The following PELI2 variants were observed in gnomAD, a reference collection of about 807,000 sequenced individuals.
The protein encoded by PELI2 is E3 ubiquitin-protein ligase pellino homolog 2.
In PELI2, 23 loss-of-function variants were observed where a neutral mutation model predicts 42.3. The ratio of observed to expected loss-of-function variants is 0.54; its 90% CI spans 0.39 to 0.77. The LOEUF (loss-of-function observed/expected upper bound fraction) is 0.77, where lower values mean the gene tolerates loss of function less well. Ranked by LOEUF, PELI2 falls within the 30% of genes least tolerant of loss-of-function variation. The probability of loss-of-function intolerance (pLI) is 0.00; values close to 1 mark genes in which losing one functional copy is unlikely to be tolerated. For synonymous variants in PELI2, 245 were observed against 212.2 expected (o/e 1.15, Z -1.34); for missense variants, 463 against 553.2 (o/e 0.84, Z 1.64).
chr14:56,278,707 AG>A (rs1889379364), intron 2 of PELI2, among the ~76,000 whole-genome samples: 1 of 152,218 alleles, frequency 6.6e-6, no homozygotes, highest in African/African-American at 2.4e-5. Flanking sequence ...ATAAATGTTT[AG>A]TACATTTTCA....
intron 2 of PELI2, among the ~76,000 whole-genome samples, chr14:56,264,084 A>G (rs115560345): frequency 1.3e-5 from 2 of 152,208 alleles, no homozygotes; most frequent in African/African-American, 2.4e-5. Flanking sequence ...TTATTTGTAG[A>G]TGTATGCACG....
At chr14:56,251,396 C>A (rs946514607) in intron 2 of PELI2, among the ~76,000 whole-genome samples, 2 of 152,242 alleles carry the variant, frequency 1.3e-5, no homozygotes, top group Admixed American at 6.5e-5. Context: ...TCCTGTAAGG[C>A]GAGCAGGGTA....
chr14:56,179,775 T>C (rs1885516801), intron 2 of PELI2, among the ~76,000 whole-genome samples: 1 of 152,206 alleles, frequency 6.6e-6, no homozygotes, highest in South Asian at 2.1e-4. Flanking sequence ...CCAAAACAGA[T>C]GTTTTTAAGC....
intron 1 of PELI2, among the ~76,000 whole-genome samples, chr14:56,129,804 T>C (rs1883413042): frequency 6.6e-6 from 1 of 152,198 alleles, no homozygotes. Context: ...GACTGGCATT[T>C]AGCCCCCAGA....
At chr14:56,146,403 A>G (rs1884118376) in intron 1 of PELI2, among the ~76,000 whole-genome samples, 1 of 152,174 alleles carries the variant, frequency 6.6e-6, no homozygotes, top group Non-Finnish European at 1.5e-5. Context: ...AGGTCCATGA[A>G]TCTCCCTTGG....
intron 1 of PELI2, among the ~76,000 whole-genome samples, chr14:56,149,232 A>T (rs1884246988): frequency 6.6e-6 from 1 of 152,230 alleles, no homozygotes; most frequent in Non-Finnish European, 1.5e-5. Flanking sequence ...TTAGATGCTA[A>T]AATGGGTGAA....
At chr14:56,233,823 A>G (rs1448399424) in intron 2 of PELI2, among the ~76,000 whole-genome samples, 1 of 152,238 alleles carries the variant, frequency 6.6e-6, no homozygotes, top group Non-Finnish European at 1.5e-5. Flanking sequence ...CAGGCAACCT[A>G]CAGAATGGGA....
At chr14:56,160,711 C>T (rs945750119) in intron 1 of PELI2, among the ~76,000 whole-genome samples, 3 of 152,182 alleles carry the variant, frequency 2.0e-5, no homozygotes, top group Non-Finnish European at 2.9e-5. Context: ...CTTTCTTAGA[C>T]GGGATGCCAG....
At chr14:56,276,652 G>C (rs551743990) in intron 2 of PELI2, among the ~76,000 whole-genome samples, 2 of 152,190 alleles carry the variant, frequency 1.3e-5, no homozygotes, top group African/African-American at 2.4e-5. Context: ...CACCTTCATG[G>C]GATTTGTTTC....
intron 1 of PELI2, among the ~76,000 whole-genome samples, chr14:56,136,462 G>T (rs1883692432): frequency 6.6e-6 from 1 of 152,180 alleles, no homozygotes; most frequent in Non-Finnish European, 1.5e-5. Flanking sequence ...TTAAATCAGG[G>T]TTTCAACTGA....
In PELI2 at chr14:56,194,323, T is replaced by A. The variant is rs1476039852; in HGVS notation, c.207+15859T>A. Among the ~76,000 whole-genome samples, 6 of 152,192 alleles carry A rather than the reference T, an allele frequency of 3.9e-5. No homozygotes were observed. The East Asian group carries it at 1.2e-3, about 29-fold the overall frequency. ...CCCTCTGAATCTCCTCTGTCTTTCC[T>A]GTCTTTGGCTGTGGTCTCTTCACTA... On this transcript the variant is annotated intron_variant, in intron 2 of 5. Transcript: ENST00000267460.
chr14:56,225,819 T>C (rs1236091812), intron 2 of PELI2, among the ~76,000 whole-genome samples: 2 of 152,200 alleles, frequency 1.3e-5, no homozygotes, highest in African/African-American at 2.4e-5. Flanking sequence ...TTCCATGGTC[T>C]AGCATGTCAC....
At chr14:56,275,172 C>T (rs1566678477) in intron 2 of PELI2, among the ~76,000 whole-genome samples, 1 of 152,156 alleles carries the variant, frequency 6.6e-6, no homozygotes, top group Non-Finnish European at 1.5e-5. Context: ...GTGTTCGAGG[C>T]ACATGCAGTG....
intron 2 of PELI2, among the ~76,000 whole-genome samples, chr14:56,232,346 T>A (rs1192872851): frequency 6.6e-6 from 1 of 152,124 alleles, no homozygotes; most frequent in Non-Finnish European, 1.5e-5. Flanking sequence ...TGAACATTGA[T>A]GCAAAAATCC....
At chr14:56,181,186 C>T (rs1885565342) in intron 2 of PELI2, among the ~76,000 whole-genome samples, 1 of 152,062 alleles carries the variant, frequency 6.6e-6, no homozygotes, top group African/African-American at 2.4e-5. Context: ...ATCAAGATAT[C>T]CAACCCATTA....
intron 1 of PELI2, among the ~76,000 whole-genome samples, chr14:56,159,480 C>T (rs1310099700): frequency 6.6e-6 from 1 of 152,192 alleles, no homozygotes; most frequent in African/African-American, 2.4e-5. Context: ...AAATGGCTCT[C>T]ATTCAGGAAT....
intron 2 of PELI2, among the ~76,000 whole-genome samples, chr14:56,266,982 A>T (rs532507399): frequency 6.6e-6 from 1 of 152,164 alleles, no homozygotes; most frequent in South Asian, 2.1e-4. Flanking sequence ...GCAGTATGCT[A>T]TCATTTCTGA....
chr14:56,289,195 A>G (rs1027129155), intron 4 of PELI2, among the ~76,000 whole-genome samples: 1 of 152,180 alleles, frequency 6.6e-6, no homozygotes, highest in Admixed American at 6.5e-5. Context: ...ACTCAAAATG[A>G]TCTAAAATCA....
chr14:56,163,795 G>A (rs1354340773), intron 1 of PELI2, among the ~76,000 whole-genome samples: 1 of 151,784 alleles, frequency 6.6e-6, no homozygotes, highest in East Asian at 1.9e-4. Context: ...TTAATTCCTA[G>A]GTATTTAATT....
Sources: allele counts gnomAD v4.1 joint callset (sites outside exome capture counted in the v4.1 genomes callset), GRCh38; gene constraint gnomAD v4.1.1; transcripts MANE v1.5; gene names NCBI Gene and HGNC (gene_info 2026-07-23, HGNC 2026-07-21).